Variants in PDE4B observed in about 807,000 individuals in gnomAD.
The protein encoded by PDE4B is 3',5'-cyclic-AMP phosphodiesterase 4B.
PDE4B carries 20 observed loss-of-function variants against 82.2 expected under a neutral mutation model. The ratio of observed to expected loss-of-function variants is 0.24; its 90% CI spans 0.17 to 0.35. PDE4B has a LOEUF of 0.35. PDE4B is among the 10% of genes least tolerant of loss of function. PDE4B has a pLI of 1.00. For synonymous variants in PDE4B, 320 were observed against 318.9 expected (o/e 1.00, Z -0.04); for missense variants, 655 against 907.2 (o/e 0.72, Z 3.57).
At chr1:66,312,427 C>T (rs1027426389) in intron 7 of PDE4B, among the ~76,000 whole-genome samples, 8 of 152,166 alleles carry the variant, frequency 5.3e-5, no homozygotes, top group African/African-American at 1.4e-4. Flanking sequence ...TGGCTCCTGG[C>T]CCCCTTTCAT....
intron 3 of PDE4B, among the ~76,000 whole-genome samples, chr1:66,097,178 CTG>C (rs1645135103): frequency 6.6e-6 from 1 of 152,034 alleles, no homozygotes; most frequent in Non-Finnish European, 1.5e-5. Context: ...AACTGCCAAA[CTG>C]TTTTCCAAAG....
chr1:65,932,714 T>C (rs1647906803), intron 3 of PDE4B, among the ~76,000 whole-genome samples: 1 of 152,084 alleles, frequency 6.6e-6, no homozygotes, highest in Non-Finnish European at 1.5e-5. Context: ...GAACAATGCA[T>C]GAACATGAGT....
chr1:66,292,160 C>T (rs1210771601), intron 7 of PDE4B, among the ~76,000 whole-genome samples: 1 of 152,134 alleles, frequency 6.6e-6, no homozygotes, highest in Non-Finnish European at 1.5e-5. Context: ...TTTATTTTCT[C>T]TTCTTTTCCT....
At chr1:65,966,599 A>G (rs1172701674) in intron 3 of PDE4B, among the ~76,000 whole-genome samples, 1 of 152,200 alleles carries the variant, frequency 6.6e-6, no homozygotes, top group Non-Finnish European at 1.5e-5. Context: ...AGACAATCCT[A>G]AGCAAAAAGA....
At chr1:65,867,375 T>C (rs1268884860) in intron 1 of PDE4B, among the ~76,000 whole-genome samples, 1 of 152,210 alleles carries the variant, frequency 6.6e-6, no homozygotes, top group Admixed American at 6.5e-5. Context: ...TCCCTAACAA[T>C]CTACAATAAC....
chr1:65,839,254 A>AT (rs1218379862), intron 1 of PDE4B, among the ~76,000 whole-genome samples: 2,152 of 145,828 alleles, frequency 0.015, 40 homozygotes, highest in African/African-American at 0.038. Context: ...AATACCAATG[A>AT]TTTTTTTTTT....
At chr1:66,212,620 C>G (rs1650151771) in intron 3 of PDE4B, among the ~76,000 whole-genome samples, 1 of 152,024 alleles carries the variant, frequency 6.6e-6, no homozygotes, top group African/African-American at 2.4e-5. Flanking sequence ...TTGTCTTTCC[C>G]CCCACCAGAA....
intron 14 of PDE4B, 30 bp downstream of exon 14, chr1:66,367,880 C>T (rs1222527202): frequency 3.7e-6 from 6 of 1,612,568 alleles, no homozygotes; most frequent in African/African-American, 1.3e-5. Flanking sequence ...ACATTCCTCA[C>T]TTACTGCCAT....
chr1:66,195,466 A>T (rs1487197893), intron 3 of PDE4B, among the ~76,000 whole-genome samples: 1 of 152,194 alleles, frequency 6.6e-6, no homozygotes, highest in Non-Finnish European at 1.5e-5. Flanking sequence ...CTTAAAAAGC[A>T]GTGTTTATGA....
chr1:65,817,746 A>C (rs1289872820), intron 1 of PDE4B, among the ~76,000 whole-genome samples: 6 of 152,172 alleles, frequency 3.9e-5, no homozygotes, highest in Non-Finnish European at 8.8e-5. Flanking sequence ...TTGCATCTTT[A>C]GACTTCCTTG....
At chr1:66,061,731 G>T (rs116759035) in intron 3 of PDE4B, among the ~76,000 whole-genome samples, 1 of 152,072 alleles carries the variant, frequency 6.6e-6, no homozygotes, top group African/African-American at 2.4e-5. Flanking sequence ...ACAAATAACT[G>T]TTTTATCACA....
chr1:66,106,183 A>G (rs1417754647), intron 3 of PDE4B, among the ~76,000 whole-genome samples: 1 of 152,216 alleles, frequency 6.6e-6, no homozygotes, highest in Non-Finnish European at 1.5e-5. Context: ...CCTTTTCTGC[A>G]TCTATTGAGA....
At chr1:65,852,161 G>T (rs991577058) in intron 1 of PDE4B, among the ~76,000 whole-genome samples, 3 of 151,788 alleles carry the variant, frequency 2.0e-5, no homozygotes, top group Non-Finnish European at 4.4e-5. Context: ...TGAAAGACAT[G>T]GATTTGTAGT....
intron 7 of PDE4B, among the ~76,000 whole-genome samples, chr1:66,310,010 T>C (rs561689021): frequency 1.2e-4 from 18 of 152,272 alleles, no homozygotes; most frequent in Admixed American, 7.9e-4. Flanking sequence ...ATAGCAGGCT[T>C]GGAACCTTGG....
intron 8 of PDE4B, among the ~76,000 whole-genome samples, chr1:66,348,734 T>C (rs1661597664): frequency 6.6e-6 from 1 of 151,512 alleles, no homozygotes; most frequent in Non-Finnish European, 1.5e-5. Context: ...GTGCCCCGAA[T>C]TTTTATTTGC....
chr1:66,189,280 T>G (rs1265291499), intron 3 of PDE4B, among the ~76,000 whole-genome samples: 1 of 152,108 alleles, frequency 6.6e-6, no homozygotes, highest in Non-Finnish European at 1.5e-5. Context: ...TTCCTTCATT[T>G]CAACTTTGGT....
At chr1:65,866,492 G>A (rs1181898425) in intron 1 of PDE4B, among the ~76,000 whole-genome samples, 3 of 152,070 alleles carry the variant, frequency 2.0e-5, no homozygotes, top group Non-Finnish European at 2.9e-5. Flanking sequence ...GATGATAAGT[G>A]GTTTTTGAAT....
chr1:66,372,331 A>G lies in PDE4B; in HGVS notation c.1864A>G (p.Ile622Val). Residue 622 changes from isoleucine (I) to valine (V), a missense_variant, in exon 17 of 17, where the codon ATT (isoleucine) becomes GTT (valine). This residue lies in a region of PDE4B where 283 missense variants were observed against 516.4 expected (regional missense o/e 0.55). Transcript: ENST00000341517. ...TCTCCAGGTTGGTTTCATCGACTAC[A>G]TTGTCCATCCATTGTGGGAGACATG... Reference protein sequence around the residue: ...EKSQVGFIDYIVHPLWETWAD... With the variant: ...EKSQVGFIDYVVHPLWETWAD... The G allele has an allele frequency of 4.3e-6, 7 of 1,611,334 alleles. No individual in the cohort carries two copies. Among genetic ancestry groups the G allele is most frequent in the Non-Finnish European group, 5.9e-6 (7 of 1,177,820 alleles).
chr1:66,361,635 A>G lies in PDE4B; in HGVS notation c.862A>G (p.Ile288Val). The G allele has an allele frequency of 6.2e-7, 1 of 1,613,246 alleles. No homozygotes were observed. Among genetic ancestry groups the G allele is most frequent in the Non-Finnish European group, 8.5e-7 (1 of 1,179,478 alleles). Reference protein sequence around the residue: ...TFLDKQNDVEIPSPTQKDREK... With the variant: ...TFLDKQNDVEVPSPTQKDREK... ...TGCAGACAAGCAGAATGATGTGGAGATCCCATCTCCTACCCAGAAAGACAG... is the reference window on the plus strand; with the variant it reads ...TGCAGACAAGCAGAATGATGTGGAGGTCCCATCTCCTACCCAGAAAGACAG... The change falls in exon 10 of 17, where the codon ATC becomes GTC. Residue 288 changes from isoleucine to valine, a missense_variant. Physicochemically the swap from Ile to Val is conservative, Grantham distance 29 (BLOSUM62 3). Coordinates refer to ENST00000341517, the MANE Select transcript of PDE4B (RefSeq NM_002600.4).
Sources: gnomAD v4.1 joint callset for allele counts (sites outside exome capture counted in the v4.1 genomes callset) on GRCh38, gnomAD v4.1.1 for gene constraint, gnomAD v4.1.1 regional missense constraint, MANE v1.5 for transcripts, NCBI Gene and HGNC (gene_info 2026-07-23, HGNC 2026-07-21) for gene names.